The following CCSER1 variants were observed in gnomAD, a reference collection of about 807,000 sequenced individuals.
CCSER1 encodes the protein coiled-coil serine rich protein 1.
A neutral mutation model predicts 82.0 loss-of-function variants in CCSER1; 41 were observed. The observed-to-expected ratio is 0.50, with a 90% CI of 0.39 to 0.65. The LOEUF is 0.65. Among genes scored for constraint, CCSER1 ranks in the 30% least tolerant of loss-of-function variants. CCSER1 has a pLI of 0.00. For missense variants in CCSER1, 1,119 were observed against 1,064.2 expected (o/e 1.05, Z -0.72); for synonymous variants, 414 against 383.9 (o/e 1.08, Z -0.92).
At chr4:90,868,148 C>T (rs1765974852) in intron 8 of CCSER1, among the ~76,000 whole-genome samples, 1 of 151,962 alleles carries the variant, frequency 6.6e-6, no homozygotes, top group Admixed American at 6.6e-5. Flanking sequence ...TCACATCATG[C>T]TAAATAGTAT....
chr4:90,319,601 G>A (rs1156472168), intron 3 of CCSER1, among the ~76,000 whole-genome samples: 1 of 151,746 alleles, frequency 6.6e-6, no homozygotes. Flanking sequence ...GCAGTGAGCC[G>A]AGATCGCGCC....
At chr4:91,307,361 C>CG (rs34170561) in intron 10 of CCSER1, among the ~76,000 whole-genome samples, 112,728 of 151,470 alleles carry the variant, frequency 0.74, 42,057 homozygotes, top group Middle Eastern at 0.8. Flanking sequence ...TTCTATGATG[C>CG]TTTTTTTTCT....
intron 4 of CCSER1, among the ~76,000 whole-genome samples, chr4:90,445,140 A>G (rs1760467684): frequency 6.6e-6 from 1 of 152,036 alleles, no homozygotes; most frequent in Non-Finnish European, 1.5e-5. Flanking sequence ...TGGAGAAGGA[A>G]CTGTTAGGTC....
At chr4:90,559,724 GGCGTGAACCTGGGAGGCGGAGCTTGCAGT>G (rs1778513170) in intron 5 of CCSER1, among the ~76,000 whole-genome samples, 1 of 149,908 alleles carries the variant, frequency 6.7e-6, no homozygotes, top group Non-Finnish European at 1.5e-5. Flanking sequence ...GCAGGAGAAT[GGCGTGAACCTGGGAGGCGGAGCTTGCAGT>G]GCGCCGAGAT....
intron 10 of CCSER1, among the ~76,000 whole-genome samples, chr4:91,481,459 C>T (rs1757909158): frequency 6.6e-6 from 1 of 152,080 alleles, no homozygotes; most frequent in Non-Finnish European, 1.5e-5. Flanking sequence ...GGTTGAGGAC[C>T]TACCCTAATG....
At chr4:91,250,441 C>T (rs1210397591) in intron 10 of CCSER1, among the ~76,000 whole-genome samples, 1 of 151,968 alleles carries the variant, frequency 6.6e-6, no homozygotes, top group Admixed American at 6.6e-5. Context: ...ATTTTCCTAA[C>T]ATTTCCTGTT....
chr4:90,219,470 A>G (rs990191301), intron 1 of CCSER1, among the ~76,000 whole-genome samples: 1 of 152,170 alleles, frequency 6.6e-6, no homozygotes, highest in Non-Finnish European at 1.5e-5. Context: ...CATAATTTAT[A>G]TATTACTCAT....
intron 4 of CCSER1, among the ~76,000 whole-genome samples, chr4:90,459,078 T>C (rs1319915096): frequency 6.6e-6 from 1 of 152,182 alleles, no homozygotes; most frequent in African/African-American, 2.4e-5. Flanking sequence ...TGTATGTGTA[T>C]CTACATATAT....
At chr4:91,488,060 A>G (rs1398789033) in intron 10 of CCSER1, among the ~76,000 whole-genome samples, 3 of 152,048 alleles carry the variant, frequency 2.0e-5, no homozygotes, top group Non-Finnish European at 4.4e-5. Flanking sequence ...AAATAACTAA[A>G]TTTTTCACAT....
chr4:91,046,753 C>T (rs897853931), intron 9 of CCSER1, among the ~76,000 whole-genome samples: 10 of 151,802 alleles, frequency 6.6e-5, no homozygotes, highest in African/African-American at 2.2e-4. Flanking sequence ...GAGTCTTGCT[C>T]TGTCTCCAGG....
intron 10 of CCSER1, among the ~76,000 whole-genome samples, chr4:91,155,704 T>G (rs1184432926): frequency 1.3e-5 from 2 of 152,106 alleles, no homozygotes; most frequent in East Asian, 1.9e-4. Context: ...TATATCTCCC[T>G]TTATTCTATT....
At chr4:91,084,930 C>G (rs1184611395) in intron 9 of CCSER1, among the ~76,000 whole-genome samples, 1 of 151,242 alleles carries the variant, frequency 6.6e-6, no homozygotes, top group Non-Finnish European at 1.5e-5. Flanking sequence ...ATGCTGTAGC[C>G]AAATGAAAAA....
intron 10 of CCSER1, among the ~76,000 whole-genome samples, chr4:91,398,643 GA>G (rs1440809696): frequency 2.6e-5 from 4 of 151,790 alleles, no homozygotes; most frequent in Admixed American, 6.6e-5. Context: ...AAAAAATTGA[GA>G]TATTTAGAGA....
intron 7 of CCSER1, among the ~76,000 whole-genome samples, chr4:90,760,294 G>A (rs1750212674): frequency 6.6e-6 from 1 of 151,744 alleles, no homozygotes; most frequent in Non-Finnish European, 1.5e-5. Context: ...TTTAATGTTT[G>A]AATTAATGAC....
intron 4 of CCSER1, among the ~76,000 whole-genome samples, chr4:90,456,004 T>G (rs1452567740): frequency 6.6e-6 from 1 of 152,122 alleles, no homozygotes; most frequent in Admixed American, 6.6e-5. Context: ...CCTCACCAAA[T>G]TGCAGCCAGA....
chr4:90,587,857 A>G (rs28643562), intron 5 of CCSER1, among the ~76,000 whole-genome samples: 52,438 of 152,034 alleles, frequency 0.34, 9,668 homozygotes, highest in East Asian at 0.5. Flanking sequence ...AATTTCAGGC[A>G]TATGTTAAAG....
At chr4:90,555,141 T>G (rs538773405) in intron 5 of CCSER1, among the ~76,000 whole-genome samples, 1 of 152,046 alleles carries the variant, frequency 6.6e-6, no homozygotes, top group South Asian at 2.1e-4. Flanking sequence ...GGTCTTCATT[T>G]TCCAAAAAGG....
intron 5 of CCSER1, among the ~76,000 whole-genome samples, chr4:90,593,521 A>G (rs1312444979): frequency 6.6e-6 from 1 of 152,104 alleles, no homozygotes; most frequent in Non-Finnish European, 1.5e-5. Flanking sequence ...TGTATGCCCT[A>G]TGTAAATGAA....
At chr4:90,476,028 GTGTGTGTGTGTGTGTGTA>G (rs776975504) in intron 5 of CCSER1, among the ~76,000 whole-genome samples, 1,513 of 151,244 alleles carry the variant, frequency 0.01, 27 homozygotes, top group African/African-American at 0.035. Context: ...TCTCGTGTGT[GTGTGTGTGTGTGTGTGTA>G]TGTGTGTGTG....
Sources: gnomAD v4.1 joint callset for allele counts (sites outside exome capture counted in the v4.1 genomes callset) on GRCh38, gnomAD v4.1.1 for gene constraint, MANE v1.5 for transcripts, NCBI Gene and HGNC (gene_info 2026-07-23, HGNC 2026-07-21) for gene names.